Variants in PSMF1 observed in about 807,000 individuals in gnomAD.
PSMF1 encodes the protein proteasome inhibitor subunit 1.
Under a neutral mutation model 29.3 loss-of-function variants are expected in PSMF1, and 30 were observed. The observed-to-expected ratio is 1.02, with a 90% CI of 0.77 to 1.39. The LOEUF (loss-of-function observed/expected upper bound fraction) is 1.39, where lower values mean the gene tolerates loss of function less well. PSMF1 is among the 40% of genes most tolerant of loss of function. The pLI is 0.00. For missense variants in PSMF1, 344 were observed against 357.5 expected, an observed-to-expected ratio of 0.96 and a Z score of 0.31; for synonymous variants, 134 against 139.7, an observed-to-expected ratio of 0.96 and a Z score of 0.29.
intron 4 of PSMF1, among the ~76,000 whole-genome samples, chr20:1,153,601 A>G (rs574961901): frequency 6.6e-6 from 1 of 152,126 alleles, no homozygotes; most frequent in South Asian, 2.1e-4. Context: ...ATTCATAGGT[A>G]CTGGGGATTA....
chr20:1,162,557 C>T (rs543536987), intron 4 of PSMF1, among the ~76,000 whole-genome samples: 6 of 152,240 alleles, frequency 3.9e-5, no homozygotes, highest in Admixed American at 3.3e-4. Flanking sequence ...AGGCAGAAAT[C>T]GGCTATTAGG....
chr20:1,171,690 C>A lies in PSMF1; in HGVS notation c.*6610C>A, dbSNP rs1405387086. ...AGCACCCTGGTCAGCGCCCAGCCTC[C>A]CTAAAGCCGCTGGAGGAGGCCTTTG... On this transcript the variant is annotated 3_prime_UTR_variant, in exon 7 of 7. Transcript: ENST00000335877. Among the ~76,000 whole-genome samples the A allele has an allele frequency of 6.6e-6, 1 of 152,168 alleles. No homozygotes were observed. Among genetic ancestry groups the A allele is most frequent in the Non-Finnish European group, 1.5e-5 (1 of 68,020 alleles).
chr20:1,158,527 A>G (rs1379895240), intron 4 of PSMF1, among the ~76,000 whole-genome samples: 1 of 152,224 alleles, frequency 6.6e-6, no homozygotes, highest in Non-Finnish European at 1.5e-5. Context: ...CACCTCAGCC[A>G]TTAGAAGGGT....
chr20:1,138,202 G>A (rs1381759020), intron 4 of PSMF1, among the ~76,000 whole-genome samples: 1 of 152,142 alleles, frequency 6.6e-6, no homozygotes, highest in Admixed American at 6.6e-5. Flanking sequence ...CTACAAGCCA[G>A]TATCCTTTAT....
chr20:1,160,854 C>T (rs899396729), intron 4 of PSMF1: 1 of 463,418 alleles, frequency 2.2e-6, no homozygotes, highest in Non-Finnish European at 4.4e-6. Flanking sequence ...CCACACCCTA[C>T]AACAAGCTGC....
Position 1,134,989 on chromosome 20 carries a change from C to G in PSMF1, c.366-132C>G, listed in dbSNP as rs756285719. 2.2e-5 allele frequency: 19 copies of G among 872,690 alleles called. No individual in the cohort carries two copies. The East Asian group carries it at 4.9e-4, about 22-fold the overall frequency. The allele number at this position is 872,690 out of a possible 1,614,324, so 54.1% of individuals were successfully genotyped here. On this transcript the variant is annotated intron_variant, in intron 3 of 6. Coordinates refer to ENST00000335877, the MANE Select transcript of PSMF1 (RefSeq NM_006814.5). ...AGGTCCAGCAGGCGGCCTGTTCCCC[C>G]ACTTATAAACAGGCCAAGCGCAATG... is the stretch of plus-strand genomic sequence containing the variant.
intron 4 of PSMF1, among the ~76,000 whole-genome samples, chr20:1,147,061 G>T (rs542214276): frequency 2.0e-5 from 3 of 152,056 alleles, no homozygotes; most frequent in Non-Finnish European, 4.4e-5. Context: ...TTAGGTGTGA[G>T]AGTGTCAGCC....
At position 1,167,491 on chromosome 20, in the gene PSMF1, C is replaced by T. The variant is rs1009125319; in HGVS notation, c.*2411C>T. The T allele has an allele frequency of 1.3e-5, 2 of 152,372 alleles. No homozygotes were observed. Among genetic ancestry groups the T allele is most frequent in the African/African-American group, 4.8e-5 (2 of 41,516 alleles). 9.4% of individuals were successfully genotyped at this position (152,372 alleles called of 1,614,324 possible). On this transcript the variant is annotated 3_prime_UTR_variant, in exon 7 of 7. Transcript: ENST00000335877. Reference sequence around the variant, plus strand: ...TTTTCACCACCTCAAAAAGAAACCACACACCCATTGGCATGACTCCCCATT... The same window carrying T: ...TTTTCACCACCTCAAAAAGAAACCATACACCCATTGGCATGACTCCCCATT...
At position 1,165,812 on chromosome 20, in the gene PSMF1, C is replaced by T; in HGVS notation, c.*732C>T. 1 of 1,072,112 alleles carries T rather than the reference C, an allele frequency of 9.3e-7. No individual in the cohort carries two copies. Among genetic ancestry groups the T allele is most frequent in the Non-Finnish European group, 1.1e-6 (1 of 881,134 alleles). The allele number at this position is 1,072,112 out of a possible 1,614,324, so 66.4% of individuals were successfully genotyped here. On this transcript the variant is annotated 3_prime_UTR_variant, in exon 7 of 7. Coordinates refer to ENST00000335877, the MANE Select transcript of PSMF1 (RefSeq NM_006814.5). ...TTTTGTAGGTCCATCTGTGCATGGG[C>T]AGCAGTAGTCAAAAAGCCAAGGAAA...
chr20:1,147,861 G>T (rs1237271585), intron 4 of PSMF1, among the ~76,000 whole-genome samples: 1 of 152,136 alleles, frequency 6.6e-6, no homozygotes, highest in Non-Finnish European at 1.5e-5. Context: ...CCAGTTTTGG[G>T]GGGAGGCCAC....
chr20:1,147,169 AT>A (rs1272873245), intron 4 of PSMF1, among the ~76,000 whole-genome samples: 30 of 115,048 alleles, frequency 2.6e-4, no homozygotes, highest in African/African-American at 3.8e-4. Context: ...CATCATCATC[AT>A]CATCATCACC....
At chr20:1,130,234 A>G (rs1414516448) in intron 3 of PSMF1, among the ~76,000 whole-genome samples, 1 of 152,140 alleles carries the variant, frequency 6.6e-6, no homozygotes, top group African/African-American at 2.4e-5. Context: ...ATGAAAAGAG[A>G]TCTGGAGATG....
intron 4 of PSMF1, among the ~76,000 whole-genome samples, chr20:1,144,182 C>T (rs2086419701): frequency 1.3e-5 from 2 of 152,184 alleles, no homozygotes; most frequent in Admixed American, 1.3e-4. Context: ...AGATGCTCAG[C>T]ATTGTTAGCC....
At position 1,135,297 on chromosome 20, in the gene PSMF1, A is replaced by G. The variant is rs2086292032; in HGVS notation, c.542A>G (p.Gln181Arg). Residue 181 changes from glutamine (Q) to arginine (R), a missense_variant, in exon 4 of 7, where the codon CAG (glutamine) becomes CGG (arginine). Coordinates refer to ENST00000335877, the MANE Select transcript of PSMF1 (RefSeq NM_006814.5). ...IPPHHPHTSR[Q>R]PPWCDPLGPF... ...CCACACCACCCACACACCAGTCGGC[A>G]GCCTCCCTGGTGAGTACAGAGTGCC... 6.2e-7 allele frequency: 1 copy of G among 1,611,756 alleles called. No homozygotes were observed. The highest frequency in any genetic ancestry group is 1.1e-5 in the South Asian group (1 of 90,790).
At chr20:1,139,769 A>T (rs1251405802) in intron 4 of PSMF1, among the ~76,000 whole-genome samples, 1 of 151,748 alleles carries the variant, frequency 6.6e-6, no homozygotes, top group Non-Finnish European at 1.5e-5. Context: ...GATAAAAATC[A>T]GTTGTATTTC....
intron 4 of PSMF1, among the ~76,000 whole-genome samples, chr20:1,141,741 T>C (rs960587692): frequency 7.9e-5 from 12 of 152,204 alleles, no homozygotes; most frequent in Non-Finnish European, 1.6e-4. Context: ...AGTTTATATA[T>C]GCAGATGACA....
intron 4 of PSMF1, among the ~76,000 whole-genome samples, chr20:1,146,390 T>C (rs1257014359): frequency 6.6e-6 from 1 of 152,118 alleles, no homozygotes. Flanking sequence ...GAACTTTAGC[T>C]GGACAAAAAT....
chr20:1,145,281 T>C (rs2179450), intron 4 of PSMF1, among the ~76,000 whole-genome samples: 113,608 of 152,080 alleles, frequency 0.75, 42,778 homozygotes, highest in Non-Finnish European at 0.77. Flanking sequence ...ATTTATTCAG[T>C]TCTGTGTAGG....
At chr20:1,113,594 T>A (rs1414951787) in intron 1 of PSMF1, among the ~76,000 whole-genome samples, 1 of 152,072 alleles carries the variant, frequency 6.6e-6, no homozygotes, top group Admixed American at 6.5e-5. Context: ...CACAGCCTAG[T>A]GCAAGAGATA....
Sources: allele counts gnomAD v4.1 joint callset (sites outside exome capture counted in the v4.1 genomes callset), GRCh38; gene constraint gnomAD v4.1.1; transcripts MANE v1.5; gene names NCBI Gene and HGNC (gene_info 2026-07-23, HGNC 2026-07-21).